TMCC3: variants seen among roughly 807,000 people sequenced by gnomAD.
TMCC3 encodes transmembrane and coiled-coil domain protein 3.
A neutral mutation model predicts 40.2 loss-of-function variants in TMCC3; 28 were observed. The ratio of observed to expected loss-of-function variants is 0.70; its 90% CI spans 0.52 to 0.95. The LOEUF is 0.95. Ranked by LOEUF, TMCC3 falls within the 40% of genes least tolerant of loss-of-function variation. The pLI is 0.00. For missense variants in TMCC3, 554 were observed against 615.2 expected (o/e 0.90, Z 1.05); for synonymous variants, 255 against 248.5 (o/e 1.03, Z -0.25).
intron 1 of TMCC3, among the ~76,000 whole-genome samples, chr12:94,642,909 C>T (rs913686882): frequency 6.6e-6 from 1 of 152,078 alleles, no homozygotes; most frequent in South Asian, 2.1e-4. Context: ...GAAAGTCAAC[C>T]GGGCCGGGCG....
rs1000507790 is a variant in TMCC3 at position 94,568,628 on chromosome 12, C to T, written c.*2807G>A. 1 of 152,180 alleles carries T rather than the reference C, an allele frequency of 6.6e-6. No individual in the cohort carries two copies. The highest frequency in any genetic ancestry group is 1.5e-5 in the Non-Finnish European group (1 of 68,030). 9.4% of individuals were successfully genotyped at this position (152,180 alleles called of 1,614,324 possible). A position where few individuals can be genotyped will look rare whatever the true frequency, so the allele number is the denominator to read the frequency against. The stretch of plus-strand genomic sequence containing the variant: ...TAAAATGTCATTTAATCTCCTTACA[C>T]ATTGAAGAGAACAAACAGTGGGAGT... On this transcript the variant is annotated 3_prime_UTR_variant, in exon 4 of 4. Coordinates refer to ENST00000261226, the MANE Select transcript of TMCC3 (RefSeq NM_020698.4).
intron 1 of TMCC3, among the ~76,000 whole-genome samples, chr12:94,597,130 T>A (rs1218296237): frequency 0.047 from 526 of 11,084 alleles, 10 homozygotes; most frequent in African/African-American, 0.1. Context: ...AATACATATA[T>A]ATATATATAT....
chr12:94,621,869 G>A (rs2068877484), intron 1 of TMCC3, among the ~76,000 whole-genome samples: 1 of 152,128 alleles, frequency 6.6e-6, no homozygotes, highest in Non-Finnish European at 1.5e-5. Flanking sequence ...CTGAACCCAG[G>A]GGCATGTCAG....
intron 1 of TMCC3, among the ~76,000 whole-genome samples, chr12:94,598,097 T>A (rs138607331): frequency 0.016 from 2,509 of 152,292 alleles, 31 homozygotes; most frequent in African/African-American, 0.034. Flanking sequence ...ATCAAATAAT[T>A]TCCTAAATGT....
chr12:94,640,669 T>C (rs955819807), intron 1 of TMCC3, among the ~76,000 whole-genome samples: 2 of 152,192 alleles, frequency 1.3e-5, no homozygotes, highest in African/African-American at 4.8e-5. Context: ...GACTGAACTT[T>C]GGGAAACTGC....
intron 3 of TMCC3, among the ~76,000 whole-genome samples, chr12:94,574,371 C>T (rs1361421571): frequency 6.8e-6 from 1 of 146,744 alleles, no homozygotes; most frequent in African/African-American, 2.5e-5. Flanking sequence ...CCAGGCAACA[C>T]AGTAAGACGG....
chr12:94,576,096 G>A (rs1274529), intron 3 of TMCC3, among the ~76,000 whole-genome samples: 62,621 of 151,798 alleles, frequency 0.41, 13,240 homozygotes, highest in Non-Finnish European at 0.44. Flanking sequence ...AACAATTAAC[G>A]TTTAAATGGG....
rs2068517050 is a variant in TMCC3, at chr12:94,569,953, CA to C, written c.*1481del. On this transcript the variant is annotated 3_prime_UTR_variant, in exon 4 of 4. Coordinates refer to ENST00000261226, the MANE Select transcript of TMCC3 (RefSeq NM_020698.4). ...TGTTTCCATCTTCCTCTTTGTTATA[CA>C]CACAGAGACACAGATTTAAAGGAAA... 1.3e-5 allele frequency: 2 copies of C among 152,184 alleles called. No individual in the cohort carries two copies. The highest frequency in any genetic ancestry group is 4.8e-5 in the African/African-American group (2 of 41,422). The allele number at this position is 152,184 out of a possible 1,614,324, so 9.4% of individuals were successfully genotyped here. A position where few individuals can be genotyped will look rare whatever the true frequency, so the allele number is the denominator to read the frequency against.
chr12:94,592,394 C>T (rs950537307), intron 1 of TMCC3, among the ~76,000 whole-genome samples: 26 of 151,758 alleles, frequency 1.7e-4, no homozygotes, highest in African/African-American at 5.8e-4. Flanking sequence ...AATCTAAGTA[C>T]TTTGGGAGGC....
intron 1 of TMCC3, among the ~76,000 whole-genome samples, chr12:94,593,635 C>T (rs956884133): frequency 6.6e-6 from 1 of 151,652 alleles, no homozygotes; most frequent in African/African-American, 2.4e-5. Flanking sequence ...GTTTAAGATT[C>T]TGAAAAACAA....
At position 94,601,808 on chromosome 12, in the gene TMCC3, CAAAAAAA is replaced by C. The variant is rs61372290; in HGVS notation, c.79-19277_79-19271del. The stretch of plus-strand genomic sequence containing the variant: ...TGGGTGACAGAGTGAGACCTGGTCT[CAAAAAAA>C]AAAAAAAAAAAAAAAAAAAAAGAGA... On this transcript the variant is annotated intron_variant, in intron 1 of 3. Coordinates refer to ENST00000261226, the MANE Select transcript of TMCC3 (RefSeq NM_020698.4). Among the ~76,000 whole-genome samples, 74 of 76,702 alleles carry C rather than the reference CAAAAAAA, an allele frequency of 9.6e-4. 1 individual carries two copies. In the South Asian group the frequency reaches 0.02, roughly 20 times the overall value. The allele number at this position is 76,702 out of a possible 152,430, so 50.3% of individuals were successfully genotyped here.
chr12:94,573,479 T>C (rs946981137), intron 3 of TMCC3, among the ~76,000 whole-genome samples: 2 of 152,200 alleles, frequency 1.3e-5, no homozygotes, highest in South Asian at 2.1e-4. Flanking sequence ...TAATATGGCC[T>C]TCTGAGGCCT....
intron 1 of TMCC3, among the ~76,000 whole-genome samples, chr12:94,632,375 T>C (rs75737713): frequency 0.061 from 9,348 of 152,280 alleles, 315 homozygotes; most frequent in South Asian, 0.15. Context: ...ATTGACTAGG[T>C]ACAAAAACTG....
intron 3 of TMCC3, among the ~76,000 whole-genome samples, chr12:94,572,148 C>T (rs1188701933): frequency 1.3e-5 from 2 of 151,910 alleles, no homozygotes; most frequent in East Asian, 1.9e-4. Flanking sequence ...TACAGGTGCG[C>T]ACCACCATGT....
intron 1 of TMCC3, among the ~76,000 whole-genome samples, chr12:94,608,246 C>T (rs1228020323): frequency 6.6e-6 from 1 of 152,190 alleles, no homozygotes; most frequent in Non-Finnish European, 1.5e-5. Flanking sequence ...AAAAGACAAA[C>T]AGATTTGGGT....
In TMCC3 at chr12:94,582,120, G is replaced by A. The variant is rs1349042837; in HGVS notation, c.497C>T (p.Ser166Phe). 1.9e-6 allele frequency: 3 copies of A among 1,614,184 alleles called. No homozygotes were observed. Among genetic ancestry groups the A allele is most frequent in the South Asian group, 1.1e-5 (1 of 91,080 alleles). Reference sequence around the variant, plus strand: ...AGATTTCACGTGGGCATCTTTCAAAGAGCGATGTATATCCTTCAGGTGGTC... The same window carrying A: ...AGATTTCACGTGGGCATCTTTCAAAAAGCGATGTATATCCTTCAGGTGGTC... ...SKDHLKDIHR[S>F]LKDAHVKSRT... is the part of the protein sequence containing the mutation. Residue 166 changes from serine (S) to phenylalanine (F), a missense_variant, in exon 2 of 4, where the codon TCT becomes TTT. Transcript: ENST00000261226.
chr12:94,650,323 A>C, intron 1 of TMCC3, 30 bp downstream of exon 1: 3 of 1,236,128 alleles, frequency 2.4e-6, no homozygotes, highest in Non-Finnish European at 3.0e-6. Context: ...GCCCGCGCGC[A>C]CCCGCCGCCC....
At chr12:94,645,010 C>T (rs773177703) in intron 1 of TMCC3, among the ~76,000 whole-genome samples, 1 of 152,174 alleles carries the variant, frequency 6.6e-6, no homozygotes, top group Non-Finnish European at 1.5e-5. Context: ...ATCATGTTCT[C>T]CTGTACAAGA....
At chr12:94,644,132 AG>A (rs2069005424) in intron 1 of TMCC3, among the ~76,000 whole-genome samples, 1 of 152,198 alleles carries the variant, frequency 6.6e-6, no homozygotes, top group South Asian at 2.1e-4. Context: ...GGTTCCTTTC[AG>A]GCAGCACCCC....
Sources: gnomAD v4.1 joint callset for allele counts (sites outside exome capture counted in the v4.1 genomes callset) on GRCh38, gnomAD v4.1.1 for gene constraint, MANE v1.5 for transcripts, NCBI Gene and HGNC (gene_info 2026-07-23, HGNC 2026-07-21) for gene names.